UTRN: variants seen among roughly 807,000 people sequenced by gnomAD.
The protein encoded by UTRN is dystrophin-related protein 1.
A neutral mutation model predicts 463.9 loss-of-function variants in UTRN; 283 were observed. The ratio of observed to expected loss-of-function variants is 0.61; its 90% CI spans 0.55 to 0.67. The LOEUF (loss-of-function observed/expected upper bound fraction) is 0.67, where lower values mean the gene tolerates loss of function less well. Among genes scored for constraint, UTRN ranks in the 30% least tolerant of loss-of-function variants. The pLI, the probability that UTRN is intolerant of heterozygous loss-of-function variation, is 0.00. For synonymous variants in UTRN, 1,442 were observed against 1,431.5 expected (o/e 1.01, Z -0.17); for missense variants, 3,922 against 4,084.3 (o/e 0.96, Z 1.08).
intron 50 of UTRN, among the ~76,000 whole-genome samples, chr6:144,561,320 A>G (rs1799893319): frequency 1.4e-5 from 2 of 147,020 alleles, no homozygotes; most frequent in African/African-American, 2.5e-5. Context: ...ACATACACAT[A>G]TATGTGTGTG....
At chr6:144,689,605 C>T (rs1390004920) in intron 52 of UTRN, among the ~76,000 whole-genome samples, 1 of 152,182 alleles carries the variant, frequency 6.6e-6, no homozygotes, top group Non-Finnish European at 1.5e-5. Context: ...ACAGTCCAGG[C>T]TGGTGCAGGG....
rs12661720 is a variant in UTRN, at chr6:144,815,959, C to T, written c.9358-4923C>T. Among the ~76,000 whole-genome samples, 70 of 152,014 alleles carry T rather than the reference C, an allele frequency of 4.6e-4. No individual in the cohort carries two copies. The East Asian group carries it at 0.012, about 27-fold the overall frequency. On this transcript the variant is annotated intron_variant, in intron 65 of 74. Transcript: ENST00000367545. ...AATTCCCAATGAATGGATACGGACACTTAGCATGAACAGCTGCTAAGATCA... is the reference window on the plus strand; with the variant it reads ...AATTCCCAATGAATGGATACGGACATTTAGCATGAACAGCTGCTAAGATCA...
intron 34 of UTRN, among the ~76,000 whole-genome samples, chr6:144,501,945 A>G (rs1794222793): frequency 6.6e-6 from 1 of 152,176 alleles, no homozygotes; most frequent in Non-Finnish European, 1.5e-5. Context: ...GCTGTTAAAA[A>G]TACCGCTTTT....
intron 44 of UTRN, 41 bp downstream of exon 44, chr6:144,537,758 A>G (rs1369261267): frequency 6.3e-7 from 1 of 1,594,840 alleles, no homozygotes; most frequent in South Asian, 1.1e-5. Flanking sequence ...TTGGTGCCCG[A>G]ACATTATACT....
In UTRN at chr6:144,501,513, T is replaced by G. The variant is rs993912542; in HGVS notation, c.4764+2086T>G. On this transcript the variant is annotated intron_variant, in intron 34 of 74. Transcript: ENST00000367545. ...GCATATATTTAAAAATAAATTTTGT[T>G]GTAACTAGTATTTATTGACCTTCTT... Among the ~76,000 whole-genome samples, 4 of 152,232 alleles carry G rather than the reference T, an allele frequency of 2.6e-5. No individual in the cohort carries two copies. The East Asian group carries it at 7.7e-4, about 29-fold the overall frequency.
chr6:144,667,054 C>A (rs985555232), intron 51 of UTRN, among the ~76,000 whole-genome samples: 1 of 140,144 alleles, frequency 7.1e-6, no homozygotes, highest in Non-Finnish European at 1.5e-5. Flanking sequence ...CCTCCTTCTA[C>A]TTCTTCTTCT....
At chr6:144,715,129 C>A (rs1786251016) in intron 53 of UTRN, among the ~76,000 whole-genome samples, 1 of 152,140 alleles carries the variant, frequency 6.6e-6, no homozygotes, top group South Asian at 2.1e-4. Flanking sequence ...GTAATAAACA[C>A]CTCACAGTTA....
intron 51 of UTRN, among the ~76,000 whole-genome samples, chr6:144,636,542 A>AT (rs776946654): frequency 1.3e-5 from 2 of 150,274 alleles, no homozygotes; most frequent in Admixed American, 6.6e-5. Context: ...TTAAAGTATA[A>AT]TAAAAAAAAA....
intron 62 of UTRN, 150 bp downstream of exon 62, chr6:144,789,429 G>A (rs1418421721): frequency 4.8e-6 from 3 of 623,760 alleles, no homozygotes; most frequent in South Asian, 2.6e-5. Context: ...GTTAGACAGA[G>A]GGTGGCAGTG....
intron 41 of UTRN, among the ~76,000 whole-genome samples, chr6:144,524,808 A>G (rs1393405768): frequency 1.3e-5 from 2 of 152,148 alleles, no homozygotes; most frequent in Non-Finnish European, 2.9e-5. Context: ...CTCATTCAGT[A>G]TAATGTTGGC....
intron 2 of UTRN, among the ~76,000 whole-genome samples, chr6:144,314,404 C>T (rs570124339): frequency 2.0e-5 from 3 of 152,274 alleles, no homozygotes; most frequent in South Asian, 2.1e-4. Flanking sequence ...CTCTTCAGGG[C>T]GGAGCTGTTG....
chr6:144,575,950 A>C (rs1386452982), intron 50 of UTRN, among the ~76,000 whole-genome samples: 2 of 152,054 alleles, frequency 1.3e-5, no homozygotes, highest in Non-Finnish European at 2.9e-5. Flanking sequence ...CACCTAATCT[A>C]CTTTCTCTAT....
chr6:144,533,163 C>T lies in UTRN; in HGVS notation c.6136C>T (p.Leu2046Phe), dbSNP rs370806966. The change falls in exon 43 of 75, where the codon CTC becomes TTC. Residue 2046 changes from leucine (L) to phenylalanine (F), a missense_variant. Physicochemically the swap from Leu to Phe is conservative, Grantham distance 22. This residue lies in a region of UTRN where 2,349 missense variants were observed against 2,303.8 expected (regional missense o/e 1.02). Coordinates refer to ENST00000367545, the MANE Select transcript of UTRN (RefSeq NM_007124.3). The part of the protein sequence containing the change: ...NRTGDGIVQK[L>F]SQADGSFLKE... Reference sequence around the variant, plus strand: ...AACTGGGGATGGGATTGTGCAGAAACTCTCCCAGGCAGATGGAAGCTTCTT... The same window carrying T: ...AACTGGGGATGGGATTGTGCAGAAATTCTCCCAGGCAGATGGAAGCTTCTT... The T allele has an allele frequency of 1.2e-6, 2 of 1,614,040 alleles. No homozygotes were observed. Among genetic ancestry groups the T allele is most frequent in the African/African-American group, 2.7e-5 (2 of 74,928 alleles).
intron 51 of UTRN, among the ~76,000 whole-genome samples, chr6:144,650,232 C>T (rs1473276012): frequency 6.6e-6 from 1 of 152,160 alleles, no homozygotes; most frequent in Non-Finnish European, 1.5e-5. Flanking sequence ...TACCTCCCAC[C>T]AAGTCCCTCC....
At chr6:144,401,776 T>A (rs1169442678) in intron 2 of UTRN, among the ~76,000 whole-genome samples, 1 of 151,442 alleles carries the variant, frequency 6.6e-6, no homozygotes, top group African/African-American at 2.4e-5. Context: ...ACAAACTGGG[T>A]GAAGTGGTAG....
At chr6:144,530,495 C>T (rs1036390634) in intron 41 of UTRN, among the ~76,000 whole-genome samples, 3 of 152,066 alleles carry the variant, frequency 2.0e-5, no homozygotes, top group South Asian at 2.1e-4. Context: ...GAGGGGTATA[C>T]GGGCATTTTG....
Position 144,447,281 on chromosome 6 carries a change from A to G in UTRN, c.1685A>G (p.Asp562Gly). Residue 562 changes from aspartate to glycine, a missense_variant, in exon 15 of 75, where the codon GAC becomes GGC. Asp to Gly is a moderately conservative substitution (Grantham distance 94). Coordinates refer to ENST00000367545, the MANE Select transcript of UTRN (RefSeq NM_007124.3). The part of the protein sequence containing the change: ...LNKVQTSNFK[D>G]QKELSVSVRR... ...AAAGTCCAGACAAGCAACTTCAAAGACCAAAAGGAACTAAGTGTCAGTGTT... is the reference window on the plus strand; with the variant it reads ...AAAGTCCAGACAAGCAACTTCAAAGGCCAAAAGGAACTAAGTGTCAGTGTT... 6.2e-7 allele frequency: 1 copy of G among 1,613,946 alleles called. No individual in the cohort carries two copies. Among genetic ancestry groups the G allele is most frequent in the Non-Finnish European group, 8.5e-7 (1 of 1,179,862 alleles).
At chr6:144,485,313 G>A in intron 27 of UTRN, 72 bp from the exon 28 acceptor site, 1 of 1,567,966 alleles carries the variant, frequency 6.4e-7, no homozygotes, top group Non-Finnish European at 8.7e-7. Context: ...AGCGATTAAA[G>A]AGAATGTGTA....
intron 65 of UTRN, among the ~76,000 whole-genome samples, chr6:144,810,354 C>G (rs1778503514): frequency 6.6e-6 from 1 of 152,152 alleles, no homozygotes; most frequent in African/African-American, 2.4e-5. Context: ...AGAGATTATA[C>G]AGCCACAAAT....
Sources: allele counts gnomAD v4.1 joint callset (sites outside exome capture counted in the v4.1 genomes callset), GRCh38; gene constraint gnomAD v4.1.1; regional missense constraint gnomAD v4.1.1; transcripts MANE v1.5; gene names NCBI Gene and HGNC (gene_info 2026-07-23, HGNC 2026-07-21).